Variants in CCBE1 observed in about 807,000 individuals in gnomAD.
CCBE1 encodes the protein collagen and calcium binding EGF domains 1.
A neutral mutation model predicts 50.0 loss-of-function variants in CCBE1; 37 were observed. That is an observed-to-expected ratio of 0.74 (90% CI 0.57 to 0.97). The LOEUF is 0.97. Ranked by LOEUF, CCBE1 falls within the 50% of genes least tolerant of loss-of-function variation. The pLI, the probability that CCBE1 is intolerant of heterozygous loss-of-function variation, is 0.00. For synonymous variants in CCBE1, 234 were observed against 203.7 expected, an observed-to-expected ratio of 1.15 and a Z score of -1.27; for missense variants, 538 against 523.8, an observed-to-expected ratio of 1.03 and a Z score of -0.26.
At chr18:59,570,999 C>T (rs112862491) in intron 2 of CCBE1, among the ~76,000 whole-genome samples, 7 of 152,258 alleles carry the variant, frequency 4.6e-5, no homozygotes, top group Non-Finnish European at 7.4e-5. Flanking sequence ...AAGAGTAAGT[C>T]GACTGCTGAG....
chr18:59,485,995 G>T (rs1016405714), intron 2 of CCBE1, among the ~76,000 whole-genome samples: 27 of 151,998 alleles, frequency 1.8e-4, no homozygotes, highest in African/African-American at 5.1e-4. Context: ...TGGAGCATTG[G>T]CTTTGGGGTC....
intron 2 of CCBE1, among the ~76,000 whole-genome samples, chr18:59,598,898 A>T (rs543872076): frequency 4.6e-5 from 7 of 152,212 alleles, no homozygotes; most frequent in East Asian, 1.9e-4. Context: ...GATACAATTC[A>T]TGCAAACCAT....
At chr18:59,546,173 T>C (rs553094135) in intron 2 of CCBE1, among the ~76,000 whole-genome samples, 2 of 152,270 alleles carry the variant, frequency 1.3e-5, no homozygotes, top group South Asian at 4.1e-4. Context: ...TATTTGTAGA[T>C]TTTCCAATGA....
At chr18:59,608,966 C>A (rs1464854862) in intron 2 of CCBE1, among the ~76,000 whole-genome samples, 1 of 152,216 alleles carries the variant, frequency 6.6e-6, no homozygotes, top group Non-Finnish European at 1.5e-5. Context: ...TTACACAGCT[C>A]TCCTGAAGGT....
chr18:59,515,674 TGCTCCCCTC>T (rs1369495188), intron 2 of CCBE1, among the ~76,000 whole-genome samples: 5 of 152,216 alleles, frequency 3.3e-5, no homozygotes, highest in Non-Finnish European at 7.3e-5. Context: ...GGCTCTATGT[TGCTCCCCTC>T]TAACTCTCAT....
intron 2 of CCBE1, among the ~76,000 whole-genome samples, chr18:59,589,814 AAG>A (rs1168314279): frequency 3.1e-5 from 4 of 129,396 alleles, no homozygotes; most frequent in Non-Finnish European, 6.8e-5. Context: ...AAAAAAAAGA[AAG>A]AAAAAAAAAA....
chr18:59,526,149 C>T (rs1270341940), intron 2 of CCBE1, among the ~76,000 whole-genome samples: 3 of 152,062 alleles, frequency 2.0e-5, no homozygotes, highest in African/African-American at 4.8e-5. Context: ...ATGGGAATAG[C>T]ATTGAATTTA....
At chr18:59,438,601 A>C (rs1910266038) in intron 9 of CCBE1, among the ~76,000 whole-genome samples, 1 of 152,226 alleles carries the variant, frequency 6.6e-6, no homozygotes, top group African/African-American at 2.4e-5. Context: ...AAAGAGAAAA[A>C]CACATGTGAG....
chr18:59,572,252 A>G (rs2052925330), intron 2 of CCBE1, among the ~76,000 whole-genome samples: 1 of 152,178 alleles, frequency 6.6e-6, no homozygotes, highest in African/African-American at 2.4e-5. Context: ...TTTGAGTTTA[A>G]TCGAGCCAAG....
intron 2 of CCBE1, among the ~76,000 whole-genome samples, chr18:59,612,949 T>C (rs2053592830): frequency 6.6e-6 from 1 of 151,618 alleles, no homozygotes; most frequent in African/African-American, 2.4e-5. Flanking sequence ...TCACACATGT[T>C]GAAAGTATTA....
intron 2 of CCBE1, among the ~76,000 whole-genome samples, chr18:59,560,703 T>C (rs976733249): frequency 3.9e-5 from 6 of 152,196 alleles, no homozygotes; most frequent in Non-Finnish European, 7.3e-5. Flanking sequence ...AAGCAGTTAG[T>C]AACTGCATAT....
chr18:59,603,576 A>T (rs906590569), intron 2 of CCBE1, among the ~76,000 whole-genome samples: 3 of 152,218 alleles, frequency 2.0e-5, no homozygotes, highest in African/African-American at 7.2e-5. Context: ...AAGTAATTAC[A>T]GAATTATCTA....
At chr18:59,439,620 T>C (rs1461324800) in intron 8 of CCBE1, 42 bp from the exon 9 acceptor site, 3 of 1,614,224 alleles carry the variant, frequency 1.9e-6, no homozygotes, top group Non-Finnish European at 2.5e-6. Context: ...GGCAAAAGCA[T>C]GGGACAAAAA....
chr18:59,495,645 T>C (rs1295693779), intron 2 of CCBE1, among the ~76,000 whole-genome samples: 1 of 151,824 alleles, frequency 6.6e-6, no homozygotes, highest in African/African-American at 2.4e-5. Flanking sequence ...TCTTGGTCAT[T>C]CCACACATTG....
At chr18:59,455,280 A>T in intron 5 of CCBE1, 1 of 414,402 alleles carries the variant, frequency 2.4e-6, no homozygotes, top group East Asian at 5.6e-5. Context: ...CAGGCTCTAT[A>T]AATCTGACAT....
Position 59,434,347 on chromosome 18 carries a change from G to C in CCBE1, c.*1561C>G, listed in dbSNP as rs922367122. The C allele has an allele frequency of 3.3e-5, 5 of 152,212 alleles. No homozygotes were observed. The highest frequency in any genetic ancestry group is 1.2e-4 in the African/African-American group (5 of 41,444). The allele number at this position is 152,212 out of a possible 1,614,324, so 9.4% of individuals were successfully genotyped here. On this transcript the variant is annotated 3_prime_UTR_variant, in exon 11 of 11. Coordinates refer to ENST00000439986, the MANE Select transcript of CCBE1 (RefSeq NM_133459.4). ...AGTGTGAGAACGATCATTTGCAGGA[G>C]AGTGAAAATCTCCCGCAAAGGTAGA...
At chr18:59,473,859 CG>C (rs372082565) in intron 3 of CCBE1, among the ~76,000 whole-genome samples, 20 of 11,594 alleles carry the variant, frequency 1.7e-3, no homozygotes, top group East Asian at 4.4e-3. Context: ...TTTCCTCCCC[CG>C]ACTACTCACC....
chr18:59,495,820 C>A (rs1913330999), intron 2 of CCBE1, among the ~76,000 whole-genome samples: 1 of 152,086 alleles, frequency 6.6e-6, no homozygotes, highest in African/African-American at 2.4e-5. Context: ...GTTCTCCAGG[C>A]AACTGCCGCT....
intron 2 of CCBE1, among the ~76,000 whole-genome samples, chr18:59,521,728 G>C (rs1355435703): frequency 1.4e-5 from 2 of 138,752 alleles, no homozygotes; most frequent in Non-Finnish European, 1.5e-5. Context: ...GTTTTTGTTT[G>C]CTTTTTAACA....
Sources: gnomAD v4.1 joint callset for allele counts (sites outside exome capture counted in the v4.1 genomes callset) on GRCh38, gnomAD v4.1.1 for gene constraint, MANE v1.5 for transcripts, NCBI Gene and HGNC (gene_info 2026-07-23, HGNC 2026-07-21) for gene names.